Variants in MPZ observed in about 807,000 individuals in gnomAD.
The protein encoded by MPZ is myelin protein P0.
A neutral mutation model predicts 27.9 loss-of-function variants in MPZ; 13 were observed. That is an observed-to-expected ratio of 0.47 (90% CI 0.30 to 0.74). MPZ has a LOEUF of 0.74. MPZ is among the 30% of genes least tolerant of loss of function. MPZ has a pLI of 0.06. For missense variants in MPZ, 256 were observed against 317.5 expected, an observed-to-expected ratio of 0.81 and a Z score of 1.47; for synonymous variants, 118 against 128.9, an observed-to-expected ratio of 0.92 and a Z score of 0.57.
chr1:161,306,467 A>G lies in MPZ; in HGVS notation c.449-3T>C. The G allele has an allele frequency of 6.2e-7, 1 of 1,614,210 alleles. No homozygotes were observed. The highest frequency in any genetic ancestry group is 8.5e-7 in the Non-Finnish European group (1 of 1,180,028). The stretch of plus-strand genomic sequence containing the variant: ...AACGACCCCGTACCTAGTTGGCACT[A>G]GGAGGGGTGGGAAAAGAAGTGGGAG... On this transcript the variant is annotated splice_region_variant and splice_polypyrimidine_tract_variant and intron_variant, in intron 3 of 5. Coordinates refer to ENST00000533357, the MANE Select transcript of MPZ (RefSeq NM_000530.8).
chr1:161,307,575 A>T (rs774626667), intron 1 of MPZ, 151 bp from the exon 2 acceptor site: 8 of 738,752 alleles, frequency 1.1e-5, no homozygotes, highest in Non-Finnish European at 1.8e-5. Flanking sequence ...GTCTCTGGGG[A>T]CTAACTGAAC....
chr1:161,308,189 T>C (rs1670309010), intron 1 of MPZ, among the ~76,000 whole-genome samples: 1 of 152,214 alleles, frequency 6.6e-6, no homozygotes, highest in African/African-American at 2.4e-5. Flanking sequence ...TCTTCTTCCC[T>C]GGCACAACTG....
At chr1:161,308,413 G>A (rs549564705) in intron 1 of MPZ, among the ~76,000 whole-genome samples, 55 of 152,172 alleles carry the variant, frequency 3.6e-4, no homozygotes, top group Non-Finnish European at 7.1e-4. Flanking sequence ...ACCCACACAA[G>A]GAAGGTCATT....
rs1182232385 is a variant in MPZ, at chr1:161,306,938, G to A, written c.235-17C>T. 3 of 1,564,048 alleles carry A rather than the reference G, an allele frequency of 1.9e-6. No homozygotes were observed. The highest frequency in any genetic ancestry group is 3.4e-5 in the Admixed American group (2 of 58,094). The stretch of plus-strand genomic sequence containing the variant: ...GTGGAAGATCTATGAGGAATGAGGG[G>A]AAGCATGTGAGAGGACCCTAATGAG... On this transcript the variant is annotated splice_polypyrimidine_tract_variant and intron_variant, in intron 2 of 5. Transcript: ENST00000533357.
At chr1:161,309,548 A>T (rs1558155594) in intron 1 of MPZ, among the ~76,000 whole-genome samples, 10 of 73,290 alleles carry the variant, frequency 1.4e-4, no homozygotes, top group African/African-American at 5.3e-4. Flanking sequence ...ATATATATAT[A>T]TATATTTTTT....
chr1:161,305,741 G>C lies in MPZ; in HGVS notation c.*135C>G, dbSNP rs1444585352. 4.6e-6 allele frequency: 3 copies of C among 659,074 alleles called. No individual in the cohort carries two copies. The highest frequency in any genetic ancestry group is 7.8e-6 in the Non-Finnish European group (3 of 382,820). The allele number at this position is 659,074 out of a possible 1,614,324, so 40.8% of individuals were successfully genotyped here. A position where few individuals can be genotyped will look rare whatever the true frequency, so the allele number is the denominator to read the frequency against. On this transcript the variant is annotated 3_prime_UTR_variant, in exon 6 of 6. Coordinates refer to ENST00000533357, the MANE Select transcript of MPZ (RefSeq NM_000530.8). ...TGAGGGCGTTTTTGAGGCTGGTTCTGCTGGGGGACTTGACAGCAGGCCGGA... is the reference window on the plus strand; with the variant it reads ...TGAGGGCGTTTTTGAGGCTGGTTCTCCTGGGGGACTTGACAGCAGGCCGGA...
At chr1:161,309,054 C>T (rs1008788386) in intron 1 of MPZ, among the ~76,000 whole-genome samples, 16 of 152,222 alleles carry the variant, frequency 1.1e-4, no homozygotes, top group African/African-American at 3.6e-4. Context: ...TTCCAATAAT[C>T]CTGCTTTGAC....
intron 1 of MPZ, among the ~76,000 whole-genome samples, chr1:161,308,051 C>T (rs1024746148): frequency 6.6e-5 from 10 of 152,128 alleles, no homozygotes; most frequent in Admixed American, 3.3e-4. Flanking sequence ...TAAGAACTTA[C>T]GTATCTGGAG....
chr1:161,305,625 G>T lies in MPZ; in HGVS notation c.*251C>A, dbSNP rs772995394. ...AGCAAAGAGGGAAAGCACCTAGACG[G>T]GGGTAAGAGGAGCCTAGGTCCCCCT... On this transcript the variant is annotated 3_prime_UTR_variant, in exon 6 of 6. Transcript: ENST00000533357. 10 of 551,866 alleles carry T rather than the reference G, an allele frequency of 1.8e-5. No individual in the cohort carries two copies. Among genetic ancestry groups the T allele is most frequent in the Non-Finnish European group, 3.2e-5 (10 of 311,778 alleles). 34.2% of individuals were successfully genotyped at this position (551,866 alleles called of 1,614,324 possible). A position where few individuals can be genotyped will look rare whatever the true frequency, so the allele number is the denominator to read the frequency against.
chr1:161,308,286 G>A lies in MPZ; in HGVS notation c.68-862C>T, dbSNP rs569799002. ...AAGGGCCTCATACCCCTCTCAGCTG[G>A]GTGCAGAGCAACACCCCAAGCCTAC... On this transcript the variant is annotated intron_variant, in intron 1 of 5. Coordinates refer to ENST00000533357, the MANE Select transcript of MPZ (RefSeq NM_000530.8). Among the ~76,000 whole-genome samples, 54 of 152,152 alleles carry A rather than the reference G, an allele frequency of 3.5e-4. No homozygotes were observed. The South Asian group carries it at 0.01, about 29-fold the overall frequency.
intron 4 of MPZ, 56 bp downstream of exon 4, chr1:161,306,273 C>T (rs576202007): frequency 6.2e-6 from 10 of 1,613,324 alleles, no homozygotes; most frequent in Non-Finnish European, 8.5e-6. Context: ...GAGTAGTCTC[C>T]GCCCAGATGG....
intron 2 of MPZ, 138 bp from the exon 3 acceptor site, chr1:161,307,059 T>A: frequency 1.2e-6 from 1 of 837,546 alleles, no homozygotes; most frequent in Non-Finnish European, 1.8e-6. Flanking sequence ...AGCCTCAGGG[T>A]AAGGGATCTT....
intron 1 of MPZ, among the ~76,000 whole-genome samples, chr1:161,309,548 A>ATTTT (rs1482171465): frequency 1.5e-4 from 11 of 73,272 alleles, no homozygotes; most frequent in African/African-American, 6.6e-4. Context: ...ATATATATAT[A>ATTTT]TATATTTTTT....
rs932826788 is a variant in MPZ at position 161,309,847 on chromosome 1, G to A, written c.59C>T (p.Ser20Phe). ...AGAGTGGCTCCACTTACCCAAAGAA[G>A]AGAAGAGCAGCACAGCCAGGATAGG... ...PSPILAVLLF[S>F]SLVLSPAQAI... is the part of the protein sequence containing the mutation. The change falls in exon 1 of 6, where the codon TCT becomes TTT. Residue 20 changes from serine to phenylalanine, a missense_variant. Physicochemically the swap from Ser to Phe is radical, Grantham distance 155. Transcript: ENST00000533357. The A allele has an allele frequency of 6.3e-6, 10 of 1,583,410 alleles. No individual in the cohort carries two copies. Among genetic ancestry groups the A allele is most frequent in the Non-Finnish European group, 8.6e-6 (10 of 1,165,404 alleles).
rs568535304 is a variant in MPZ, at chr1:161,309,535, C to CATATAT, written c.67+298_67+303dup. ...CTCTAAATGCATATTTTTTTCTTTT[C>CATATAT]ATATATATATATATATATTTTTTTT... On this transcript the variant is annotated intron_variant, in intron 1 of 5. Transcript: ENST00000533357. Among the ~76,000 whole-genome samples the CATATAT allele has an allele frequency of 5.3e-4, 59 of 112,362 alleles. 3 individuals carry two copies. The highest frequency in any genetic ancestry group is 1.4e-3 in the African/African-American group (36 of 26,430). The allele number at this position is 112,362 out of a possible 152,430, so 73.7% of individuals were successfully genotyped here.
chr1:161,307,592 G>A (rs900176101), intron 1 of MPZ, 168 bp from the exon 2 acceptor site: 7 of 653,388 alleles, frequency 1.1e-5, no homozygotes, highest in East Asian at 2.7e-5. Context: ...GAACAGATGA[G>A]CATAAATGCT....
chr1:161,306,034 C>T, intron 5 of MPZ, 57 bp from the exon 6 acceptor site: 9 of 1,608,404 alleles, frequency 5.6e-6, no homozygotes, highest in Non-Finnish European at 6.8e-6. Context: ...CTGTTCCCAT[C>T]CCACCCCTCA....
intron 1 of MPZ, 24 bp from the exon 2 acceptor site, chr1:161,307,448 AG>A: frequency 6.2e-7 from 1 of 1,613,652 alleles, no homozygotes. Flanking sequence ...GTGGGGAATC[AG>A]ATGCACCTAT....
At chr1:161,309,552 A>ATATATTTTTTTTTTTTTTTTTTTTT in intron 1 of MPZ, among the ~76,000 whole-genome samples, 2 of 80,664 alleles carry the variant, frequency 2.5e-5, no homozygotes, top group South Asian at 3.8e-4. Context: ...ATATATATAT[A>ATATATTTTTTTTTTTTTTTTTTTTT]TTTTTTTTTT....
Sources: allele counts gnomAD v4.1 joint callset (sites outside exome capture counted in the v4.1 genomes callset), GRCh38; gene constraint gnomAD v4.1.1; transcripts MANE v1.5; gene names NCBI Gene and HGNC (gene_info 2026-07-23, HGNC 2026-07-21).